Variants in NRXN3 observed in about 807,000 individuals in gnomAD.
NRXN3 encodes neurexin III.
NRXN3 carries 32 observed loss-of-function variants against 137.6 expected under a neutral mutation model. The observed-to-expected ratio is 0.23, with a 90% CI of 0.18 to 0.31. The LOEUF is 0.31. Ranked by LOEUF, NRXN3 falls within the 10% of genes least tolerant of loss-of-function variation. The pLI is 1.00. For synonymous variants in NRXN3, 798 were observed against 784.5 expected (o/e 1.02, Z -0.29); for missense variants, 1,574 against 2,062.5 (o/e 0.76, Z 4.59).
chr14:78,903,419 G>A (rs561609312), intron 10 of NRXN3, among the ~76,000 whole-genome samples: 2 of 152,024 alleles, frequency 1.3e-5, no homozygotes, highest in Non-Finnish European at 2.9e-5. Context: ...TTGGATTACA[G>A]GTGTGAGCCA....
chr14:79,867,523 G>A lies in NRXN3; in HGVS notation c.*5559G>A, dbSNP rs1264716968. 1 of 152,060 alleles carries A rather than the reference G, an allele frequency of 6.6e-6. No individual in the cohort carries two copies. Among genetic ancestry groups the A allele is most frequent in the East Asian group, 1.9e-4 (1 of 5,186 alleles). 9.4% of individuals were successfully genotyped at this position (152,060 alleles called of 1,614,324 possible). On this transcript the variant is annotated 3_prime_UTR_variant, in exon 21 of 21. Transcript: ENST00000335750. ...TCTTGCTCTTCTTATAAGACCACCA[G>A]TGCTATTGGTTAAAGCCCTGCCATT...
At chr14:78,630,753 T>C (rs1364688195) in intron 4 of NRXN3, among the ~76,000 whole-genome samples, 2 of 152,146 alleles carry the variant, frequency 1.3e-5, no homozygotes, top group Non-Finnish European at 1.5e-5. Context: ...TGCAGGTGCC[T>C]GCCACAACAC....
intron 15 of NRXN3, among the ~76,000 whole-genome samples, chr14:79,301,730 GGTGTGT>G (rs112815653): frequency 6.6e-6 from 1 of 150,650 alleles, no homozygotes; most frequent in African/African-American, 2.4e-5. Flanking sequence ...GTATTTGTGG[GGTGTGT>G]GTGTGTGTGT....
chr14:78,555,061 T>C (rs1444864872), intron 4 of NRXN3, among the ~76,000 whole-genome samples: 1 of 152,114 alleles, frequency 6.6e-6, no homozygotes, highest in Non-Finnish European at 1.5e-5. Flanking sequence ...GCAAGTCACA[T>C]ACCATCCTCT....
rs768127612 is a variant in NRXN3, at chr14:78,966,419, G to T, written c.2777+13G>T. 1 of 1,603,124 alleles carries T rather than the reference G, an allele frequency of 6.2e-7. No individual in the cohort carries two copies. Among genetic ancestry groups the T allele is most frequent in the South Asian group, 1.1e-5 (1 of 89,898 alleles). ...AGCTTGTCAAGGGGTAAGTAGAAGGGATCACGACTTATGTTGGACACCTTT... is the reference window on the plus strand; with the variant it reads ...AGCTTGTCAAGGGGTAAGTAGAAGGTATCACGACTTATGTTGGACACCTTT... On this transcript the variant is annotated intron_variant, in intron 12 of 20. Transcript: ENST00000335750.
At chr14:79,590,169 G>A (rs1050629784) in intron 16 of NRXN3, among the ~76,000 whole-genome samples, 1 of 151,968 alleles carries the variant, frequency 6.6e-6, no homozygotes, top group Non-Finnish European at 1.5e-5. Flanking sequence ...CCCACATGTC[G>A]TGGGAGGAAC....
chr14:78,372,059 C>T (rs1279303723), intron 4 of NRXN3, among the ~76,000 whole-genome samples: 1 of 147,410 alleles, frequency 6.8e-6, no homozygotes, highest in Non-Finnish European at 1.5e-5. Flanking sequence ...TACAGAATTG[C>T]AGAACAGTAT....
In NRXN3 at chr14:79,280,441, G is replaced by T. The variant is rs766636111; in HGVS notation, c.3263-186780G>T. On this transcript the variant is annotated intron_variant, in intron 15 of 20. Coordinates refer to ENST00000335750, the MANE Select transcript of NRXN3 (RefSeq NM_001330195.2). ...CCTCCTCCACCTCTTCCTCGCCGGG[G>T]TCTCACTCTCAGCACGAGCACCATT... 5.0e-6 allele frequency: 8 copies of T among 1,613,956 alleles called. No homozygotes were observed. In the African/African-American group the frequency reaches 1.1e-4, roughly 22 times the overall value.
chr14:79,334,508 G>A (rs570844506), intron 15 of NRXN3, among the ~76,000 whole-genome samples: 9 of 152,208 alleles, frequency 5.9e-5, no homozygotes, highest in Non-Finnish European at 1.3e-4. Flanking sequence ...CAGTGAGCCC[G>A]CAGGGCAGGA....
intron 15 of NRXN3, among the ~76,000 whole-genome samples, chr14:79,239,298 G>A (rs2073915560): frequency 6.6e-6 from 1 of 152,084 alleles, no homozygotes; most frequent in Non-Finnish European, 1.5e-5. Context: ...AACTGAAACT[G>A]CAGAAAGCAA....
At chr14:79,108,443 T>C (rs989825267) in intron 15 of NRXN3, among the ~76,000 whole-genome samples, 9 of 152,108 alleles carry the variant, frequency 5.9e-5, no homozygotes, top group Non-Finnish European at 1.3e-4. Context: ...CTGACAAATA[T>C]AGTAAAGCAC....
At chr14:78,671,826 A>G (rs2097939018) in intron 6 of NRXN3, among the ~76,000 whole-genome samples, 2 of 152,222 alleles carry the variant, frequency 1.3e-5, no homozygotes, top group Non-Finnish European at 2.9e-5. Context: ...GGATGTATTT[A>G]TGTGTTTAGC....
rs185584508 is a variant in NRXN3, at chr14:78,870,455, C to G, written c.2275+60111C>G. The stretch of plus-strand genomic sequence containing the variant: ...ATGTGATATTTTGATACAAACCTGC[C>G]ATGTGTAATGATCAAATCAGGGTAA... On this transcript the variant is annotated intron_variant, in intron 10 of 20. Transcript: ENST00000335750. Among the ~76,000 whole-genome samples, 3 of 152,136 alleles carry G rather than the reference C, an allele frequency of 2.0e-5. No individual in the cohort carries two copies. The East Asian group carries it at 5.8e-4, about 29-fold the overall frequency.
intron 16 of NRXN3, among the ~76,000 whole-genome samples, chr14:79,624,515 C>T (rs2098260218): frequency 6.6e-6 from 1 of 151,974 alleles, no homozygotes; most frequent in Non-Finnish European, 1.5e-5. Context: ...ATCTCAGTTA[C>T]CTTTGTTGTC....
intron 15 of NRXN3, among the ~76,000 whole-genome samples, chr14:79,325,891 T>C (rs561402541): frequency 4.0e-4 from 61 of 152,278 alleles, no homozygotes; most frequent in African/African-American, 1.4e-3. Flanking sequence ...CTTTGAGATA[T>C]ATAGTAGCTC....
chr14:79,231,881 T>G (rs573947661), intron 15 of NRXN3, among the ~76,000 whole-genome samples: 1 of 152,052 alleles, frequency 6.6e-6, no homozygotes, highest in African/African-American at 2.4e-5. Flanking sequence ...GTTAAACTGG[T>G]GATGGTAGGG....
At chr14:78,766,991 C>G (rs2098711185) in intron 8 of NRXN3, among the ~76,000 whole-genome samples, 1 of 152,186 alleles carries the variant, frequency 6.6e-6, no homozygotes, top group Non-Finnish European at 1.5e-5. Context: ...TGCTAGTTTT[C>G]TTTTGCTGCA....
intron 6 of NRXN3, among the ~76,000 whole-genome samples, chr14:78,663,007 CTT>C (rs1398925918): frequency 5.9e-5 from 9 of 152,186 alleles, no homozygotes; most frequent in African/African-American, 2.2e-4. Flanking sequence ...GTACTTCAGA[CTT>C]ATTCCCTACT....
At chr14:79,371,397 C>A (rs1265099043) in intron 15 of NRXN3, among the ~76,000 whole-genome samples, 5 of 152,008 alleles carry the variant, frequency 3.3e-5, no homozygotes, top group Admixed American at 6.6e-5. Flanking sequence ...TAGATACTTG[C>A]ATATAATATT....
Sources: allele counts gnomAD v4.1 joint callset (sites outside exome capture counted in the v4.1 genomes callset), GRCh38; gene constraint gnomAD v4.1.1; transcripts MANE v1.5; gene names NCBI Gene and HGNC (gene_info 2026-07-23, HGNC 2026-07-21).